CREB1: variants seen among roughly 807,000 people sequenced by gnomAD.
CREB1 encodes the protein cAMP responsive element binding protein 1, also known as cyclic AMP-responsive element-binding protein 1.
In CREB1, 2 loss-of-function variants were observed where a neutral mutation model predicts 42.0. The ratio of observed to expected loss-of-function variants is 0.05; its 90% CI spans 0.02 to 0.15. The LOEUF (loss-of-function observed/expected upper bound fraction) is 0.15. Ranked by LOEUF, CREB1 falls within the 10% of genes least tolerant of loss-of-function variation. The probability of loss-of-function intolerance (pLI) is 1.00; values close to 1 mark genes in which losing one functional copy is unlikely to be tolerated. For missense variants in CREB1, 199 were observed against 388.9 expected (o/e 0.51, Z 4.11); for synonymous variants, 123 against 139.9 (o/e 0.88, Z 0.85).
chr2:207,575,196 A>G, intron 5 of CREB1, 76 bp from the exon 6 acceptor site: 2 of 1,393,162 alleles, frequency 1.4e-6, no homozygotes, highest in Non-Finnish European at 2.0e-6. Context: ...TTTACAAATT[A>G]TTCTACATTG....
chr2:207,565,431 A>G (rs2082103672), intron 3 of CREB1, among the ~76,000 whole-genome samples: 1 of 151,692 alleles, frequency 6.6e-6, no homozygotes, highest in East Asian at 1.9e-4. Context: ...CTAAATAGTG[A>G]TAAGTTAATT....
intron 7 of CREB1, among the ~76,000 whole-genome samples, chr2:207,587,554 A>G (rs897102913): frequency 3.9e-5 from 6 of 152,206 alleles, no homozygotes; most frequent in Admixed American, 3.9e-4. Flanking sequence ...ATCCATCAAC[A>G]TATGAATGGA....
At chr2:207,569,344 C>T (rs991718680) in intron 4 of CREB1, among the ~76,000 whole-genome samples, 2 of 152,066 alleles carry the variant, frequency 1.3e-5, no homozygotes, top group Non-Finnish European at 2.9e-5. Context: ...ATCAACAATT[C>T]CTTATATCGG....
chr2:207,582,000 T>C (rs2083023823), intron 7 of CREB1: 2 of 699,720 alleles, frequency 2.9e-6, no homozygotes, highest in East Asian at 5.4e-5. Flanking sequence ...AGAGGTATAG[T>C]GTGCCTTTCT....
At chr2:207,590,107 TA>T (rs1553508762) in intron 7 of CREB1, among the ~76,000 whole-genome samples, 33 of 135,678 alleles carry the variant, frequency 2.4e-4, no homozygotes, top group African/African-American at 8.5e-4. Flanking sequence ...TTTTTTTTTT[TA>T]ATAGATACGG....
rs534400658 is a variant in CREB1 at position 207,599,248 on chromosome 2, T to C, written c.*2190T>C. On this transcript the variant is annotated 3_prime_UTR_variant, in exon 8 of 8. Coordinates refer to ENST00000353267, the MANE Select transcript of CREB1 (RefSeq NM_004379.5). Reference sequence around the variant, plus strand: ...ATAGCATAAAAATTGTGTAACCGCATAGATATGTCATTTTTAAAAACTGGT... The same window carrying C: ...ATAGCATAAAAATTGTGTAACCGCACAGATATGTCATTTTTAAAAACTGGT... 4.9e-6 allele frequency: 1 copy of C among 202,266 alleles called. No individual in the cohort carries two copies. The highest frequency in any genetic ancestry group is 2.3e-5 in the African/African-American group (1 of 43,732). The allele number at this position is 202,266 out of a possible 1,614,324, so 12.5% of individuals were successfully genotyped here.
chr2:207,603,186 G>T lies in CREB1; in HGVS notation c.*6128G>T, dbSNP rs912306467. On this transcript the variant is annotated 3_prime_UTR_variant, in exon 8 of 8. Transcript: ENST00000353267. ...TTAATTTTTTTATCTAAATCTTTTTGTGCTTTATGTGTAAAGAAAAAAATG... is the reference window on the plus strand; with the variant it reads ...TTAATTTTTTTATCTAAATCTTTTTTTGCTTTATGTGTAAAGAAAAAAATG... 1 of 213,232 alleles carries T rather than the reference G, an allele frequency of 4.7e-6. No individual in the cohort carries two copies. Among genetic ancestry groups the T allele is most frequent in the African/African-American group, 2.3e-5 (1 of 44,188 alleles). The allele number at this position is 213,232 out of a possible 1,614,324, so 13.2% of individuals were successfully genotyped here.
intron 4 of CREB1, 197 bp downstream of exon 4, chr2:207,567,760 C>T: frequency 2.6e-6 from 1 of 385,782 alleles, no homozygotes; most frequent in Non-Finnish European, 4.7e-6. Flanking sequence ...CTCACCAGTC[C>T]TAATTTTTTT....
At chr2:207,539,143 C>A (rs543388763) in intron 1 of CREB1, among the ~76,000 whole-genome samples, 3 of 150,528 alleles carry the variant, frequency 2.0e-5, no homozygotes, top group Non-Finnish European at 4.4e-5. Context: ...TGGGTTCCAG[C>A]GATTCTGCTG....
chr2:207,553,768 T>C (rs1451131269), intron 1 of CREB1, among the ~76,000 whole-genome samples: 1 of 152,210 alleles, frequency 6.6e-6, no homozygotes, highest in African/African-American at 2.4e-5. Context: ...AATATTAAAA[T>C]ACTGAAATAT....
intron 6 of CREB1, 63 bp downstream of exon 6, chr2:207,575,517 C>G: frequency 7.1e-7 from 1 of 1,407,744 alleles, no homozygotes. Context: ...TTTATAAACT[C>G]ACAGAAAAAG....
chr2:207,561,131 G>A, intron 3 of CREB1: 1 of 1,613,330 alleles, frequency 6.2e-7, no homozygotes, highest in Non-Finnish European at 8.5e-7. Flanking sequence ...TTCCTGTAAG[G>A]ACTTAAAAAG....
chr2:207,604,609 A>G lies in CREB1; in HGVS notation c.*7551A>G, dbSNP rs551604546. ...TATCCTTGTTTTTAATTAAGATGCA[A>G]TTCACATAAATTAACTTTTTAAGTG... On this transcript the variant is annotated 3_prime_UTR_variant, in exon 8 of 8. Coordinates refer to ENST00000353267, the MANE Select transcript of CREB1 (RefSeq NM_004379.5). Among the ~76,000 whole-genome samples, 7 of 152,348 alleles carry G rather than the reference A, an allele frequency of 4.6e-5. No homozygotes were observed. The South Asian group carries it at 1.4e-3, about 32-fold the overall frequency.
At chr2:207,568,096 T>TAA (rs1224214753) in intron 4 of CREB1, 7 of 152,112 alleles carry the variant, frequency 4.6e-5, no homozygotes, top group African/African-American at 1.7e-4. Context: ...AATGTAAAAA[T>TAA]TAGCTCCACA....
chr2:207,603,276 A>G lies in CREB1; in HGVS notation c.*6218A>G, dbSNP rs189094154. ...ATAGCTGCTTTGTGTTCAGAATAGT[A>G]GCAGTTGCTTTGTATATTAAAGTGA... On this transcript the variant is annotated 3_prime_UTR_variant, in exon 8 of 8. Transcript: ENST00000353267. The G allele has an allele frequency of 1.8e-4, 40 of 221,466 alleles. No individual in the cohort carries two copies. The highest frequency in any genetic ancestry group is 6.3e-4 in the Admixed American group (11 of 17,422). The allele number at this position is 221,466 out of a possible 1,614,324, so 13.7% of individuals were successfully genotyped here.
At position 207,603,980 on chromosome 2, in the gene CREB1, A is replaced by G. The variant is rs1301775868; in HGVS notation, c.*6922A>G. 6.6e-6 allele frequency among the ~76,000 whole-genome samples: 1 copy of G among 152,218 alleles called. No homozygotes were observed. The highest frequency in any genetic ancestry group is 1.9e-4 in the East Asian group (1 of 5,204). On this transcript the variant is annotated 3_prime_UTR_variant, in exon 8 of 8. Transcript: ENST00000353267. ...TGTGTTCAAGCCTGCTATACCTGCC[A>G]TTGTATTGGAAGGCTTAATGAATTT...
intron 1 of CREB1, among the ~76,000 whole-genome samples, chr2:207,534,433 C>G (rs1051183181): frequency 6.6e-6 from 1 of 152,172 alleles, no homozygotes; most frequent in Non-Finnish European, 1.5e-5. Flanking sequence ...GACAGGGTTT[C>G]ACCATGTTGG....
intron 1 of CREB1, among the ~76,000 whole-genome samples, chr2:207,545,982 G>A (rs1318690533): frequency 1.2e-4 from 18 of 152,136 alleles, no homozygotes; most frequent in African/African-American, 3.9e-4. Context: ...TGATCTGCCC[G>A]CCTTGGCCTC....
intron 5 of CREB1, among the ~76,000 whole-genome samples, chr2:207,575,000 A>C (rs773348895): frequency 6.6e-6 from 1 of 152,230 alleles, no homozygotes; most frequent in Non-Finnish European, 1.5e-5. Flanking sequence ...AAATAACTTC[A>C]GAAGGAATTT....
Sources: allele counts gnomAD v4.1 joint callset (sites outside exome capture counted in the v4.1 genomes callset), GRCh38; gene constraint gnomAD v4.1.1; transcripts MANE v1.5; gene names NCBI Gene and HGNC (gene_info 2026-07-23, HGNC 2026-07-21).